Variants in RNFT2 observed in about 807,000 individuals in gnomAD.
RNFT2 encodes E3 ubiquitin-protein ligase RNFT2.
Under a neutral mutation model 53.0 loss-of-function variants are expected in RNFT2, and 36 were observed. That is an observed-to-expected ratio of 0.68 (90% confidence interval 0.52 to 0.90). RNFT2 has a LOEUF of 0.90. Among genes scored for constraint, RNFT2 ranks in the 40% least tolerant of loss-of-function variants. The pLI is 0.00. For missense variants in RNFT2, 514 were observed against 585.6 expected (o/e 0.88, Z 1.26); for synonymous variants, 260 against 253.2 (o/e 1.03, Z -0.26).
chr12:116,779,330 C>T lies in RNFT2; in HGVS notation c.864C>T (p.Ile288=). The change falls in exon 7 of 11, where the codon ATC becomes ATT. Residue 288 remains isoleucine, a synonymous_variant. Transcript: ENST00000257575. The part of the protein sequence containing the change: ...KCLIVALPKI[I]LAVKSKGKFY... ...TCATCGTGGCCCTGCCCAAGATCATCCTGGCTGTCAAGTCCAAGGTAGGCA... is the reference window on the plus strand; with the variant it reads ...TCATCGTGGCCCTGCCCAAGATCATTCTGGCTGTCAAGTCCAAGGTAGGCA... 1.2e-6 allele frequency: 2 copies of T among 1,614,020 alleles called. No homozygotes were observed. Among genetic ancestry groups the T allele is most frequent in the Non-Finnish European group, 8.5e-7 (1 of 1,179,878 alleles).
intron 7 of RNFT2, among the ~76,000 whole-genome samples, chr12:116,801,958 A>T (rs1874819337): frequency 6.6e-6 from 1 of 152,036 alleles, no homozygotes; most frequent in Non-Finnish European, 1.5e-5. Flanking sequence ...AGCAGCTGGG[A>T]TTACAGGCAC....
chr12:116,743,240 A>C (rs1395881878), intron 3 of RNFT2, among the ~76,000 whole-genome samples: 1 of 102,748 alleles, frequency 9.7e-6, no homozygotes, highest in African/African-American at 4.6e-5. Context: ...AAAAAAAAAA[A>C]AAAACCGGTT....
intron 6 of RNFT2, among the ~76,000 whole-genome samples, chr12:116,767,763 A>G (rs1592947050): frequency 6.6e-6 from 1 of 152,010 alleles, no homozygotes; most frequent in South Asian, 2.1e-4. Context: ...TATTTTTAGT[A>G]GAGACAGGGT....
rs147986988 is a variant in RNFT2, at chr12:116,750,183, C to T, written c.426C>T (p.Gly142=). Residue 142 remains glycine (G), a synonymous_variant, in exon 4 of 11, where the codon GGC becomes GGT. Coordinates refer to ENST00000257575, the MANE Select transcript of RNFT2 (RefSeq NM_001382266.1). ...ACCGGGGGCACTCGGAGGAGGGAGG[C>T]GACGAGCAGCCTGGGACGCCCGCCC... ...GDHRGHSEEG[G]DEQPGTPAPA... is the part of the protein sequence containing the mutation. 5.0e-6 allele frequency: 8 copies of T among 1,597,734 alleles called. No individual in the cohort carries two copies. The highest frequency in any genetic ancestry group is 2.2e-5 in the East Asian group (1 of 44,454).
chr12:116,780,191 C>T (rs1260756883), intron 7 of RNFT2, among the ~76,000 whole-genome samples: 4 of 152,284 alleles, frequency 2.6e-5, no homozygotes, highest in East Asian at 3.9e-4. Flanking sequence ...TTTTGGTCCT[C>T]TCACCTTTCA....
chr12:116,751,537 G>A (rs957454991), intron 4 of RNFT2, among the ~76,000 whole-genome samples: 3 of 151,834 alleles, frequency 2.0e-5, no homozygotes, highest in Non-Finnish European at 4.4e-5. Context: ...CCGAGTGACT[G>A]GGATTACAGG....
intron 7 of RNFT2, among the ~76,000 whole-genome samples, chr12:116,810,130 C>G (rs1875298673): frequency 6.6e-6 from 1 of 152,142 alleles, no homozygotes; most frequent in African/African-American, 2.4e-5. Flanking sequence ...TTCTGCAGAC[C>G]AGGAGTTTCA....
At position 116,779,176 on chromosome 12, in the gene RNFT2, C is replaced by A. The variant is rs1360680703; in HGVS notation, c.729-19C>A. The A allele has an allele frequency of 6.8e-6, 11 of 1,613,706 alleles. No homozygotes were observed. In the African/African-American group the frequency reaches 1.2e-4, roughly 18 times the overall value. On this transcript the variant is annotated intron_variant, in intron 6 of 10. Transcript: ENST00000257575. ...CTGGCCCTAAGGGAACCTTCTGACT[C>A]TCTCAATCCTCCCCCCAGCCTCATA...
At chr12:116,760,124 G>A (rs967572174) in intron 5 of RNFT2, among the ~76,000 whole-genome samples, 3 of 152,276 alleles carry the variant, frequency 2.0e-5, no homozygotes, top group Admixed American at 2.0e-4. Context: ...TGTCAGGGAA[G>A]TGGGGGAAAG....
chr12:116,740,381 C>A lies in RNFT2; in HGVS notation c.-117C>A. On this transcript the variant is annotated 5_prime_UTR_variant, in exon 2 of 11. Transcript: ENST00000257575. ...CTGGCAAGCTCCCCTGACTGTGCATCCCTCTGGAGACGAAGAGGAGGGGGA... is the reference window on the plus strand; with the variant it reads ...CTGGCAAGCTCCCCTGACTGTGCATACCTCTGGAGACGAAGAGGAGGGGGA... 1.0e-6 allele frequency: 1 copy of A among 983,868 alleles called. No homozygotes were observed. Among genetic ancestry groups the A allele is most frequent in the Non-Finnish European group, 1.6e-6 (1 of 637,826 alleles). 60.9% of individuals were successfully genotyped at this position (983,868 alleles called of 1,614,324 possible). A position where few individuals can be genotyped will look rare whatever the true frequency, so the allele number is the denominator to read the frequency against.
chr12:116,827,058 A>G (rs926389361), intron 7 of RNFT2, among the ~76,000 whole-genome samples: 7 of 151,852 alleles, frequency 4.6e-5, no homozygotes, highest in Non-Finnish European at 1.0e-4. Flanking sequence ...TGTCTCTACT[A>G]AAATACAAAA....
intron 7 of RNFT2, among the ~76,000 whole-genome samples, chr12:116,832,304 A>C (rs1233500691): frequency 6.6e-6 from 1 of 151,974 alleles, no homozygotes; most frequent in African/African-American, 2.4e-5. Flanking sequence ...AGTATAAACC[A>C]GAATTATACA....
chr12:116,779,186 T>TC lies in RNFT2; in HGVS notation c.729-3dup, dbSNP rs761400237. On this transcript the variant is annotated splice_polypyrimidine_tract_variant and intron_variant, in intron 6 of 10. Transcript: ENST00000257575. The stretch of plus-strand genomic sequence containing the variant: ...GGGAACCTTCTGACTCTCTCAATCC[T>TC]CCCCCCAGCCTCATATTCCTGAAGC... 4.0e-5 allele frequency: 65 copies of TC among 1,613,616 alleles called. No homozygotes were observed. The highest frequency in any genetic ancestry group is 5.1e-5 in the Non-Finnish European group (60 of 1,179,802).
chr12:116,740,183 T>TAA (rs368519851), intron 1 of RNFT2, among the ~76,000 whole-genome samples, 162 bp from the exon 2 acceptor site: 2 of 143,736 alleles, frequency 1.4e-5, no homozygotes, highest in Non-Finnish European at 1.5e-5. Context: ...CACTCCGTCT[T>TAA]AAAAAAAAAA....
chr12:116,799,296 C>G (rs1391266878), intron 7 of RNFT2, among the ~76,000 whole-genome samples: 3 of 152,096 alleles, frequency 2.0e-5, no homozygotes, highest in African/African-American at 7.2e-5. Context: ...TTCCCCAAGC[C>G]CAAGAAAACT....
At chr12:116,828,581 T>G (rs1449938511) in intron 7 of RNFT2, among the ~76,000 whole-genome samples, 1 of 152,104 alleles carries the variant, frequency 6.6e-6, no homozygotes, top group Non-Finnish European at 1.5e-5. Flanking sequence ...CTTAGTTATC[T>G]TAGTACCTCC....
chr12:116,787,582 G>A (rs1198242123), intron 7 of RNFT2, among the ~76,000 whole-genome samples: 1 of 152,086 alleles, frequency 6.6e-6, no homozygotes, highest in Admixed American at 6.6e-5. Context: ...TGGGCATGGT[G>A]GAACGCACCT....
chr12:116,813,113 G>A (rs1875467907), intron 7 of RNFT2, among the ~76,000 whole-genome samples: 1 of 152,010 alleles, frequency 6.6e-6, no homozygotes. Context: ...GTGCCACCAT[G>A]CCTGGCTAAT....
At chr12:116,768,487 G>A (rs770486009) in intron 6 of RNFT2, among the ~76,000 whole-genome samples, 1 of 152,078 alleles carries the variant, frequency 6.6e-6, no homozygotes, top group African/African-American at 2.4e-5. Flanking sequence ...GGTCCCATAA[G>A]GTTATAATGG....
Sources: gnomAD v4.1 joint callset for allele counts (sites outside exome capture counted in the v4.1 genomes callset) on GRCh38, gnomAD v4.1.1 for gene constraint, MANE v1.5 for transcripts, NCBI Gene and HGNC (gene_info 2026-07-23, HGNC 2026-07-21) for gene names.